The following TBC1D22A variants were observed in gnomAD, a reference collection of about 807,000 sequenced individuals.
TBC1D22A encodes putative GTPase activator.
In TBC1D22A, 38 loss-of-function variants were observed where a neutral mutation model predicts 60.2. The ratio of observed to expected loss-of-function variants is 0.63; its 90% CI spans 0.49 to 0.83. TBC1D22A has a LOEUF of 0.83. Ranked by LOEUF, TBC1D22A falls within the 40% of genes least tolerant of loss-of-function variation. TBC1D22A has a pLI of 0.00. For missense variants in TBC1D22A, 628 were observed against 701.0 expected (o/e 0.90, Z 1.18); for synonymous variants, 302 against 281.7 (o/e 1.07, Z -0.72).
intron 12 of TBC1D22A, chr22:47,116,131 C>G (rs1445619127): frequency 2.0e-5 from 3 of 152,262 alleles, no homozygotes; most frequent in Non-Finnish European, 4.4e-5. Flanking sequence ...TCACCCTGGG[C>G]TTGGCTGAGA....
intron 8 of TBC1D22A, among the ~76,000 whole-genome samples, chr22:46,965,115 G>A (rs1396912710): frequency 1.3e-5 from 2 of 152,250 alleles, no homozygotes; most frequent in African/African-American, 4.8e-5. Flanking sequence ...ACGCTGGATT[G>A]TCAGAGCAGC....
rs192580204 is a variant in TBC1D22A, at chr22:47,120,446, T to C, written c.1425+8843T>C. Among the ~76,000 whole-genome samples the C allele has an allele frequency of 9.8e-5, 15 of 152,302 alleles. No homozygotes were observed. In the East Asian group the frequency reaches 2.7e-3, roughly 27 times the overall value. ...CACACACACGCACACACAACATGGA[T>C]ATTAACAAAATGCTTTTTAAGTTCA... On this transcript the variant is annotated intron_variant, in intron 12 of 12. Coordinates refer to ENST00000337137, the MANE Select transcript of TBC1D22A (RefSeq NM_014346.5).
At chr22:47,097,261 T>G (rs1362807633) in intron 11 of TBC1D22A, among the ~76,000 whole-genome samples, 2 of 150,916 alleles carry the variant, frequency 1.3e-5, no homozygotes, top group Non-Finnish European at 3.0e-5. Context: ...AATATCAACT[T>G]TGGAATATGC....
At chr22:47,148,683 T>C (rs2067380271) in intron 12 of TBC1D22A, among the ~76,000 whole-genome samples, 2 of 146,294 alleles carry the variant, frequency 1.4e-5, no homozygotes, top group South Asian at 4.4e-4. Flanking sequence ...CTGGGGTCCC[T>C]CCCTCCCCTG....
intron 10 of TBC1D22A, among the ~76,000 whole-genome samples, chr22:47,014,803 G>T (rs1011239946): frequency 2.0e-5 from 3 of 152,152 alleles, no homozygotes; most frequent in African/African-American, 7.2e-5. Context: ...GGTGTGGTGG[G>T]GGGGACTGCT....
intron 12 of TBC1D22A, among the ~76,000 whole-genome samples, chr22:47,118,236 G>A (rs8142610): frequency 0.021 from 3,254 of 152,268 alleles, 123 homozygotes; most frequent in African/African-American, 0.072. Flanking sequence ...TTCTTTCTAA[G>A]TATTTATGGA....
intron 1 of TBC1D22A, among the ~76,000 whole-genome samples, chr22:46,791,359 G>A (rs2084398183): frequency 6.6e-6 from 1 of 152,184 alleles, no homozygotes; most frequent in African/African-American, 2.4e-5. Flanking sequence ...AGCAGCGCAG[G>A]GTTGGGCAGC....
At position 47,009,221 on chromosome 22, in the gene TBC1D22A, G is replaced by T. The variant is rs2061677518; in HGVS notation, c.1201+11512G>T. On this transcript the variant is annotated intron_variant, in intron 10 of 12. Coordinates refer to ENST00000337137, the MANE Select transcript of TBC1D22A (RefSeq NM_014346.5). The surrounding 1 kb of genome is among the most constrained non-coding windows in gnomAD (Gnocchi z 5.8). Reference sequence around the variant, plus strand: ...CACACTTAAGTCTCATGCAGTGTTAGTACCCATTATTGTCATTATCATCAC... The same window carrying T: ...CACACTTAAGTCTCATGCAGTGTTATTACCCATTATTGTCATTATCATCAC... Among the ~76,000 whole-genome samples, 1 of 152,084 alleles carries T rather than the reference G, an allele frequency of 6.6e-6. No homozygotes were observed. The highest frequency in any genetic ancestry group is 1.5e-5 in the Non-Finnish European group (1 of 68,012).
intron 12 of TBC1D22A, among the ~76,000 whole-genome samples, chr22:47,149,729 G>A (rs372457671): frequency 3.9e-5 from 6 of 152,324 alleles, no homozygotes; most frequent in African/African-American, 1.4e-4. Context: ...CACTGGGGCC[G>A]AGATGGCTGA....
chr22:46,973,979 T>C (rs1360565528), intron 8 of TBC1D22A, among the ~76,000 whole-genome samples: 1 of 152,222 alleles, frequency 6.6e-6, no homozygotes, highest in Non-Finnish European at 1.5e-5. Flanking sequence ...CTGTTAGGAT[T>C]AAGTAATATA....
intron 12 of TBC1D22A, among the ~76,000 whole-genome samples, chr22:47,148,684 C>T (rs2147166654): frequency 6.7e-6 from 1 of 149,264 alleles, no homozygotes; most frequent in South Asian, 2.2e-4. Context: ...TGGGGTCCCT[C>T]CCTCCCCTGA....
At chr22:47,053,649 T>G (rs1350407005) in intron 11 of TBC1D22A, among the ~76,000 whole-genome samples, 1 of 152,188 alleles carries the variant, frequency 6.6e-6, no homozygotes, top group Non-Finnish European at 1.5e-5. Context: ...AGAGGTTGGT[T>G]TGAGGTAAAC....
chr22:46,961,726 C>T (rs7292205), intron 8 of TBC1D22A, among the ~76,000 whole-genome samples: 12,241 of 152,142 alleles, frequency 0.08, 992 homozygotes, highest in African/African-American at 0.21. Flanking sequence ...CACTCCAGGA[C>T]GGGGGCACGG....
At chr22:47,129,303 C>T (rs562929576) in intron 12 of TBC1D22A, among the ~76,000 whole-genome samples, 1 of 152,174 alleles carries the variant, frequency 6.6e-6, no homozygotes, top group Non-Finnish European at 1.5e-5. Context: ...ATGGTGAAAC[C>T]CTGTCTCTAC....
At position 46,960,926 on chromosome 22, in the gene TBC1D22A, G is replaced by A. The variant is rs149586155; in HGVS notation, c.1016-13364G>A. Among the ~76,000 whole-genome samples, 232 of 127,936 alleles carry A rather than the reference G, an allele frequency of 1.8e-3. 1 individual carries two copies. Among genetic ancestry groups the A allele is most frequent in the Admixed American group, 2.7e-3 (29 of 10,564 alleles). The allele number at this position is 127,936 out of a possible 152,430, so 83.9% of individuals were successfully genotyped here. A position where few individuals can be genotyped will look rare whatever the true frequency, so the allele number is the denominator to read the frequency against. Reference sequence around the variant, plus strand: ...GCCGAGACTGTGCCACTACACTCCAGCCTGGGAGACAGAGCGAGACACCAT... The same window carrying A: ...GCCGAGACTGTGCCACTACACTCCAACCTGGGAGACAGAGCGAGACACCAT... On this transcript the variant is annotated intron_variant, in intron 8 of 12. Coordinates refer to ENST00000337137, the MANE Select transcript of TBC1D22A (RefSeq NM_014346.5).
chr22:47,148,382 G>A (rs1404644365), intron 12 of TBC1D22A, among the ~76,000 whole-genome samples: 2 of 151,190 alleles, frequency 1.3e-5, no homozygotes, highest in Non-Finnish European at 2.9e-5. Context: ...TATATGGCAC[G>A]AGAAAAGAAC....
chr22:46,773,611 C>T (rs905773079), intron 1 of TBC1D22A, among the ~76,000 whole-genome samples: 48 of 152,318 alleles, frequency 3.2e-4, no homozygotes, highest in African/African-American at 1.1e-3. Flanking sequence ...GCTACAGGCT[C>T]ATGCCGCCAC....
chr22:46,992,443 G>A (rs1469559560), intron 9 of TBC1D22A, among the ~76,000 whole-genome samples: 1 of 152,234 alleles, frequency 6.6e-6, no homozygotes, highest in East Asian at 1.9e-4. Flanking sequence ...TGCCCAGGGT[G>A]AACCACCCTG....
chr22:46,868,291 C>T (rs1407010382), intron 4 of TBC1D22A, among the ~76,000 whole-genome samples: 1 of 152,128 alleles, frequency 6.6e-6, no homozygotes, highest in African/African-American at 2.4e-5. Context: ...GACACCTTGG[C>T]TTTTGGGTGG....
Sources: allele counts gnomAD v4.1 joint callset (sites outside exome capture counted in the v4.1 genomes callset), GRCh38; gene constraint gnomAD v4.1.1; non-coding constraint Gnocchi (gnomAD v3.1); transcripts MANE v1.5; gene names NCBI Gene and HGNC (gene_info 2026-07-23, HGNC 2026-07-21).